RAB38: variants seen among roughly 807,000 people sequenced by gnomAD.
RAB38 encodes RAB38, member RAS oncogene family.
In RAB38, 15 loss-of-function variants were observed where a neutral mutation model predicts 18.4. The observed-to-expected ratio is 0.82, with a 90% CI of 0.55 to 1.26. The LOEUF (loss-of-function observed/expected upper bound fraction) is 1.26. Ranked by LOEUF, RAB38 falls within the 50% of genes most tolerant of loss-of-function variation. The pLI is 0.00. For synonymous variants in RAB38, 101 were observed against 104.4 expected (o/e 0.97, Z 0.20); for missense variants, 294 against 267.4 (o/e 1.10, Z -0.69).
At chr11:87,888,905 C>A in the RAB38 span, among the ~76,000 whole-genome samples, 1 of 151,914 alleles carries the variant, frequency 6.6e-6, no homozygotes, top group African/African-American at 2.4e-5. Context: ...GGAGACACCA[C>A]TAGCAATTGG....
At chr11:88,165,229 T>A (rs985350651) in intron 1 of RAB38, among the ~76,000 whole-genome samples, 7 of 152,124 alleles carry the variant, frequency 4.6e-5, no homozygotes, top group Non-Finnish European at 1.0e-4. Context: ...ATAGCATGGC[T>A]AGAAAATAGG....
chr11:87,878,152 C>T, the RAB38 span, among the ~76,000 whole-genome samples: 2 of 145,946 alleles, frequency 1.4e-5, no homozygotes, highest in Non-Finnish European at 3.0e-5. Context: ...TGACCATTTA[C>T]TGCTTTTTTA....
chr11:88,161,365 C>A (rs997949609), intron 1 of RAB38, among the ~76,000 whole-genome samples: 2 of 152,094 alleles, frequency 1.3e-5, no homozygotes, highest in African/African-American at 4.8e-5. Context: ...GCCCTTAAAT[C>A]TCACCACATT....
At chr11:88,010,551 GA>G in the RAB38 span, among the ~76,000 whole-genome samples, 1 of 152,150 alleles carries the variant, frequency 6.6e-6, no homozygotes, top group African/African-American at 2.4e-5. Flanking sequence ...ATATAAGATG[GA>G]AACCTAATTA....
At chr11:88,010,219 G>A in the RAB38 span, among the ~76,000 whole-genome samples, 1 of 152,128 alleles carries the variant, frequency 6.6e-6, no homozygotes, top group Non-Finnish European at 1.5e-5. Context: ...TATGCTGTAT[G>A]TTGTCTACCA....
intron 1 of RAB38, among the ~76,000 whole-genome samples, chr11:88,153,776 A>T (rs1273383162): frequency 6.6e-6 from 1 of 152,146 alleles, no homozygotes; most frequent in Non-Finnish European, 1.5e-5. Flanking sequence ...GCCATCTCTA[A>T]GTGATGTTAG....
the RAB38 span, among the ~76,000 whole-genome samples, chr11:87,851,710 C>G: frequency 6.6e-6 from 1 of 152,102 alleles, no homozygotes; most frequent in Non-Finnish European, 1.5e-5. Flanking sequence ...TCTCTTTGAT[C>G]CTAAGATTAA....
chr11:88,164,843 A>G (rs540593193), intron 1 of RAB38, among the ~76,000 whole-genome samples: 1 of 152,120 alleles, frequency 6.6e-6, no homozygotes, highest in Non-Finnish European at 1.5e-5. Flanking sequence ...AGATACACAC[A>G]CCACACAATA....
chr11:88,094,240 G>A, the RAB38 span, among the ~76,000 whole-genome samples: 1 of 151,852 alleles, frequency 6.6e-6, no homozygotes, highest in Non-Finnish European at 1.5e-5. Context: ...TTCCTAGATA[G>A]ATACACAGCT....
chr11:87,976,408 T>C, the RAB38 span, among the ~76,000 whole-genome samples: 7 of 137,438 alleles, frequency 5.1e-5, no homozygotes, highest in Admixed American at 7.8e-5. Context: ...TATTTATATA[T>C]TTATATATAT....
intron 2 of RAB38, among the ~76,000 whole-genome samples, chr11:88,119,881 A>C (rs1189567956): frequency 2.6e-5 from 4 of 152,190 alleles, no homozygotes; most frequent in Non-Finnish European, 4.4e-5. Context: ...ACCACTGTAC[A>C]AAAAGTATTA....
the RAB38 span, among the ~76,000 whole-genome samples, chr11:87,854,951 T>A: frequency 6.6e-6 from 1 of 152,066 alleles, no homozygotes; most frequent in Non-Finnish European, 1.5e-5. Flanking sequence ...CCCACCACCA[T>A]GCCTGGCTAA....
the RAB38 span, among the ~76,000 whole-genome samples, chr11:87,971,327 T>C: frequency 6.6e-5 from 10 of 152,036 alleles, no homozygotes; most frequent in Non-Finnish European, 1.3e-4. Flanking sequence ...AGGAAGAACA[T>C]TGCTTCAAGG....
the RAB38 span, among the ~76,000 whole-genome samples, chr11:88,057,100 G>C: frequency 1.3e-5 from 2 of 152,166 alleles, no homozygotes; most frequent in African/African-American, 4.8e-5. Context: ...CCACTGGAGA[G>C]ACACTTACAC....
At chr11:87,881,690 A>AT in the RAB38 span, among the ~76,000 whole-genome samples, 3 of 150,346 alleles carry the variant, frequency 2.0e-5, no homozygotes, top group Non-Finnish European at 2.9e-5. Flanking sequence ...GAGCTTCATA[A>AT]TTTAGTTCTT....
At chr11:87,804,764 A>G in the RAB38 span, among the ~76,000 whole-genome samples, 1 of 152,192 alleles carries the variant, frequency 6.6e-6, no homozygotes, top group African/African-American at 2.4e-5. Flanking sequence ...AATTATTTCT[A>G]TATAATCCAT....
chr11:87,891,759 G>T, the RAB38 span, among the ~76,000 whole-genome samples: 1 of 151,802 alleles, frequency 6.6e-6, no homozygotes, highest in Non-Finnish European at 1.5e-5. Context: ...ACTATAGATA[G>T]GCCACTAGGA....
the RAB38 span, among the ~76,000 whole-genome samples, chr11:88,076,956 CAAAAAA>C: frequency 4.4e-4 from 19 of 42,914 alleles, no homozygotes; most frequent in African/African-American, 1.8e-3. Context: ...GAGACTCCAT[CAAAAAA>C]AAAAAAAAAA....
At chr11:88,027,946 G>C in the RAB38 span, among the ~76,000 whole-genome samples, 65 of 152,320 alleles carry the variant, frequency 4.3e-4, no homozygotes, top group South Asian at 1.2e-3. Context: ...CCTGACCCAT[G>C]ACCCCTGAGC....
Sources: allele counts gnomAD v4.1 joint callset (sites outside exome capture counted in the v4.1 genomes callset), GRCh38; gene constraint gnomAD v4.1.1; transcripts MANE v1.5; gene names NCBI Gene and HGNC (gene_info 2026-07-23, HGNC 2026-07-21).